AAK1: variants seen among roughly 807,000 people sequenced by gnomAD.
The protein encoded by AAK1 is AP2 associated kinase 1.
Under a neutral mutation model 116.0 loss-of-function variants are expected in AAK1, and 37 were observed. The ratio of observed to expected loss-of-function variants is 0.32; its 90% CI spans 0.25 to 0.42. AAK1 has a LOEUF of 0.42. Ranked by LOEUF, AAK1 falls within the 10% of genes least tolerant of loss-of-function variation. The pLI is 1.00. For missense variants in AAK1, 919 were observed against 1,170.6 expected, an observed-to-expected ratio of 0.79 and a Z score of 3.14; for synonymous variants, 458 against 439.9, an observed-to-expected ratio of 1.04 and a Z score of -0.51.
chr2:69,538,089 T>A (rs60196915), intron 5 of AAK1, among the ~76,000 whole-genome samples: 18,809 of 152,224 alleles, frequency 0.12, 3,481 homozygotes, highest in African/African-American at 0.4. Flanking sequence ...CAAAACCCAC[T>A]GATAAGGGGG....
intron 2 of AAK1, among the ~76,000 whole-genome samples, chr2:69,562,138 G>A (rs1247058543): frequency 6.6e-6 from 1 of 152,122 alleles, no homozygotes; most frequent in Non-Finnish European, 1.5e-5. Flanking sequence ...TTCCCTTTAT[G>A]TATAAGAAAC....
At chr2:69,499,634 G>A (rs1410753096) in intron 16 of AAK1, among the ~76,000 whole-genome samples, 1 of 152,092 alleles carries the variant, frequency 6.6e-6, no homozygotes, top group African/African-American at 2.4e-5. Context: ...TGTTATTAAA[G>A]TGGGTTTTAA....
chr2:69,601,238 T>C (rs1673565217), intron 2 of AAK1, among the ~76,000 whole-genome samples: 1 of 152,240 alleles, frequency 6.6e-6, no homozygotes, highest in Non-Finnish European at 1.5e-5. Context: ...TTTCTTCATA[T>C]GACACACAGT....
At chr2:69,537,159 T>C (rs569796732) in intron 5 of AAK1, among the ~76,000 whole-genome samples, 187 of 152,314 alleles carry the variant, frequency 1.2e-3, no homozygotes, top group Admixed American at 2.1e-3. Context: ...TTAGGTGACC[T>C]TCCCAGATCC....
chr2:69,551,049 T>G (rs1026272039), intron 3 of AAK1, among the ~76,000 whole-genome samples: 2 of 145,728 alleles, frequency 1.4e-5, no homozygotes, highest in African/African-American at 2.7e-5. Context: ...GCTTCCTGTG[T>G]TTTTTTTTCA....
rs916303821 is a variant in AAK1, at chr2:69,462,389, AG to A, written c.*13479del. 5.5e-4 allele frequency: 84 copies of A among 151,836 alleles called. No homozygotes were observed. The highest frequency in any genetic ancestry group is 1.9e-3 in the African/African-American group (80 of 41,462). 9.4% of individuals were successfully genotyped at this position (151,836 alleles called of 1,614,324 possible). On this transcript the variant is annotated 3_prime_UTR_variant, in exon 22 of 22. Coordinates refer to ENST00000409085, the MANE Select transcript of AAK1 (RefSeq NM_014911.5). ...ATAATAATAATTTAAAAAAAAAAAA[AG>A]AATTTCTGGGCCAGGTGCGGTGGCT...
chr2:69,642,630 A>G (rs956035653), intron 2 of AAK1, among the ~76,000 whole-genome samples: 1 of 152,140 alleles, frequency 6.6e-6, no homozygotes, highest in Non-Finnish European at 1.5e-5. Flanking sequence ...TGGCTTCTCA[A>G]TATTAAAAAA....
intron 17 of AAK1, among the ~76,000 whole-genome samples, chr2:69,488,615 TTAAG>T (rs976682103): frequency 2.6e-5 from 4 of 152,184 alleles, no homozygotes; most frequent in South Asian, 2.1e-4. Flanking sequence ...AACGTCTCTT[TTAAG>T]TAAGAGGACT....
At position 69,470,781 on chromosome 2, in the gene AAK1, G is replaced by A. The variant is rs891882951; in HGVS notation, c.*5088C>T. ...CATGATTCATTAATATGTCCTCAGTGTGTAGCTATACTTTTCTTGTGCCCA... is the reference window on the plus strand; with the variant it reads ...CATGATTCATTAATATGTCCTCAGTATGTAGCTATACTTTTCTTGTGCCCA... On this transcript the variant is annotated 3_prime_UTR_variant, in exon 22 of 22. Coordinates refer to ENST00000409085, the MANE Select transcript of AAK1 (RefSeq NM_014911.5). 2 of 985,640 alleles carry A rather than the reference G, an allele frequency of 2.0e-6. No homozygotes were observed. 61.1% of individuals were successfully genotyped at this position (985,640 alleles called of 1,614,324 possible).
At position 69,499,119 on chromosome 2, in the gene AAK1, TGTGA is replaced by T. The variant is rs1287464448; in HGVS notation, c.2270-3043_2270-3040del. ...GACTGGCACACTGAACTCTCAGGACTGTGAGTATCTGCCCTCTTCATCTCCAGGC... is the reference window on the plus strand; with the variant it reads ...GACTGGCACACTGAACTCTCAGGACTGTATCTGCCCTCTTCATCTCCAGGC... On this transcript the variant is annotated intron_variant, in intron 16 of 21. Coordinates refer to ENST00000409085, the MANE Select transcript of AAK1 (RefSeq NM_014911.5). Among the ~76,000 whole-genome samples, 31 of 152,288 alleles carry T rather than the reference TGTGA, an allele frequency of 2.0e-4. No homozygotes were observed. In the South Asian group the frequency reaches 3.7e-3, roughly 18 times the overall value.
chr2:69,640,980 G>A (rs557349523), intron 2 of AAK1, among the ~76,000 whole-genome samples: 2 of 152,314 alleles, frequency 1.3e-5, no homozygotes, highest in Non-Finnish European at 2.9e-5. Context: ...GCACTTCACA[G>A]GCAACTCCAT....
chr2:69,550,636 G>C (rs986200130), intron 3 of AAK1, among the ~76,000 whole-genome samples: 5 of 149,616 alleles, frequency 3.3e-5, no homozygotes, highest in African/African-American at 1.2e-4. Context: ...TATTTATTTA[G>C]ACAGAATCTT....
intron 14 of AAK1, among the ~76,000 whole-genome samples, chr2:69,508,600 ATAAT>A (rs1185693228): frequency 1.3e-5 from 2 of 152,220 alleles, no homozygotes; most frequent in East Asian, 3.8e-4. Flanking sequence ...AGACATACAA[ATAAT>A]TAACGACAAC....
At position 69,643,082 on chromosome 2, in the gene AAK1, TA is replaced by T; in HGVS notation, c.-43del. ...AGCAAAGCAAAATACCGATGGTTTC[TA>T]GATTTTTTTTTTTTTTTTTTTTTTT... On this transcript the variant is annotated 5_prime_UTR_variant, in exon 2 of 22. Transcript: ENST00000409085. 7.1e-7 allele frequency: 1 copy of T among 1,402,586 alleles called. No homozygotes were observed. Among genetic ancestry groups the T allele is most frequent in the Non-Finnish European group, 9.2e-7 (1 of 1,086,930 alleles). The allele number at this position is 1,402,586 out of a possible 1,614,324, so 86.9% of individuals were successfully genotyped here.
intron 5 of AAK1, among the ~76,000 whole-genome samples, chr2:69,541,371 T>C (rs192179763): frequency 7.8e-4 from 119 of 151,810 alleles, no homozygotes; most frequent in Admixed American, 1.5e-3. Context: ...CCTGGGACTA[T>C]AGGCATGCGC....
intron 2 of AAK1, among the ~76,000 whole-genome samples, chr2:69,633,399 G>A (rs1480086809): frequency 7.3e-5 from 11 of 151,494 alleles, no homozygotes; most frequent in African/African-American, 2.2e-4. Flanking sequence ...TCAGGAGATC[G>A]AGACCATCCT....
chr2:69,527,286 G>A lies in AAK1; in HGVS notation c.905C>T (p.Pro302Leu), dbSNP rs139844522. ...YMLEPDPDKR[P>L]DIYQVSYFSF... is the part of the protein sequence containing the mutation. ...GAAGTAGGACACCTGGTAAATATCC[G>A]GCCTTTTGTCAGGGTCTGGTTCCAA... The change falls in exon 9 of 22, where the codon CCG becomes CTG. Residue 302 changes from proline (P) to leucine (L), a missense_variant. By Grantham distance (98) the Pro-to-Leu change is moderately conservative (BLOSUM62 -3). This residue lies in a region of AAK1 where 317 missense variants were observed against 490.4 expected (regional missense o/e 0.65). Coordinates refer to ENST00000409085, the MANE Select transcript of AAK1 (RefSeq NM_014911.5). 1.2e-6 allele frequency: 2 copies of A among 1,608,726 alleles called. No homozygotes were observed. The highest frequency in any genetic ancestry group is 1.3e-5 in the African/African-American group (1 of 74,924).
intron 2 of AAK1, among the ~76,000 whole-genome samples, chr2:69,637,470 C>G (rs2105270159): frequency 6.6e-6 from 1 of 152,306 alleles, no homozygotes; most frequent in African/African-American, 2.4e-5. Flanking sequence ...ACTGACAAAC[C>G]TTGATCTCCC....
intron 12 of AAK1, among the ~76,000 whole-genome samples, chr2:69,516,213 G>A (rs1236482828): frequency 1.3e-5 from 2 of 151,366 alleles, no homozygotes; most frequent in Non-Finnish European, 2.9e-5. Context: ...AATGGGCAAG[G>A]AAATCTTAAA....
Sources: allele counts gnomAD v4.1 joint callset (sites outside exome capture counted in the v4.1 genomes callset), GRCh38; gene constraint gnomAD v4.1.1; regional missense constraint gnomAD v4.1.1; transcripts MANE v1.5; gene names NCBI Gene and HGNC (gene_info 2026-07-23, HGNC 2026-07-21).